ODF2: variants seen among roughly 807,000 people sequenced by gnomAD.
ODF2 encodes outer dense fiber protein 2.
ODF2 carries 47 observed loss-of-function variants against 110.2 expected under a neutral mutation model. The ratio of observed to expected loss-of-function variants is 0.43; its 90% CI spans 0.34 to 0.54. ODF2 has a LOEUF of 0.54. Ranked by LOEUF, ODF2 falls within the 20% of genes least tolerant of loss-of-function variation. ODF2 has a pLI of 0.03. For missense variants in ODF2, 812 were observed against 1,054.5 expected (o/e 0.77, Z 3.19); for synonymous variants, 352 against 397.7 (o/e 0.89, Z 1.37).
Position 128,485,694 on chromosome 9 carries a change from A to AT in ODF2, c.1400+220_1400+221insT, listed in dbSNP as rs533675621. Among the ~76,000 whole-genome samples, 86 of 152,274 alleles carry AT rather than the reference A, an allele frequency of 5.6e-4. No individual in the cohort carries two copies. The highest frequency in any genetic ancestry group is 1.8e-3 in the African/African-American group (74 of 41,546). On this transcript the variant is annotated intron_variant, in intron 13 of 20. Coordinates refer to ENST00000604420, the Ensembl canonical transcript of ODF2. This position sits in a 1 kb window ranked among gnomAD's most constrained non-coding sequence, Gnocchi z 5.0. ...AGTCCTGGGGTCCTACCCTACTGTCAGGCACTGGCTAGGGGCCGGGTCTTT... is the reference window on the plus strand; with the variant it reads ...AGTCCTGGGGTCCTACCCTACTGTCATGGCACTGGCTAGGGGCCGGGTCTTT...
At position 128,494,822 on chromosome 9, in the gene ODF2, G is replaced by A; in HGVS notation, c.1911+154G>A. The A allele has an allele frequency of 2.0e-6, 3 of 1,525,032 alleles. No individual in the cohort carries two copies. Among genetic ancestry groups the A allele is most frequent in the Non-Finnish European group, 2.6e-6 (3 of 1,136,002 alleles). 94.5% of individuals were successfully genotyped at this position (1,525,032 alleles called of 1,614,324 possible). ...CTATCATCAGTGCTGTGAAATAAAA[G>A]TCTGGTGTGCCAAATGCCATGTGTT... On this transcript the variant is annotated intron_variant, in intron 17 of 20. Coordinates refer to ENST00000604420, the Ensembl canonical transcript of ODF2. The surrounding 1 kb of genome is among the most constrained non-coding windows in gnomAD (Gnocchi z 4.6).
Position 128,494,913 on chromosome 9 carries a change from GCC to G in ODF2, c.1911+249_1911+250del. 7.6e-7 allele frequency: 1 copy of G among 1,313,662 alleles called. No individual in the cohort carries two copies. Among genetic ancestry groups the G allele is most frequent in the Non-Finnish European group, 1.0e-6 (1 of 986,728 alleles). 81.4% of individuals were successfully genotyped at this position (1,313,662 alleles called of 1,614,324 possible). A position where few individuals can be genotyped will look rare whatever the true frequency, so the allele number is the denominator to read the frequency against. On this transcript the variant is annotated intron_variant, in intron 17 of 20. Coordinates refer to ENST00000604420, the Ensembl canonical transcript of ODF2. This position sits in a 1 kb window ranked among gnomAD's most constrained non-coding sequence, Gnocchi z 4.6. Reference sequence around the variant, plus strand: ...GGAGTCACTGGGCCCTCCTGCTGTTGCCCCCACCCAAGACTGCTGCCTCTGCC... The same window carrying G: ...GGAGTCACTGGGCCCTCCTGCTGTTGCCCACCCAAGACTGCTGCCTCTGCC...
At position 128,466,140 on chromosome 9, in the gene ODF2, AAAAAAAAAC is replaced by A. The variant is rs1205031866; in HGVS notation, c.250-3033_250-3025del. On this transcript the variant is annotated intron_variant, in intron 4 of 20. Coordinates refer to ENST00000604420, the Ensembl canonical transcript of ODF2. ...GGCAACAAAGCGAGTCTCCATCTCAAAAAAAAAACAAAAAAAACGGAAAAGAAAAACGAA... is the reference window on the plus strand; with the variant it reads ...GGCAACAAAGCGAGTCTCCATCTCAAAAAAAAAACGGAAAAGAAAAACGAA... Among the ~76,000 whole-genome samples the A allele has an allele frequency of 2.0e-5, 3 of 151,134 alleles. No individual in the cohort carries two copies. In the South Asian group the frequency reaches 6.3e-4, roughly 31 times the overall value.
chr9:128,473,308 G>A, intron 7 of ODF2: 1 of 936,432 alleles, frequency 1.1e-6, no homozygotes, highest in Middle Eastern at 5.5e-4. Flanking sequence ...GTTGATTCCT[G>A]CAAGTATCAG....
At position 128,460,277 on chromosome 9, in the gene ODF2, G is replaced by A. The variant is rs181872677; in HGVS notation, c.123+620G>A. 90 of 1,367,076 alleles carry A rather than the reference G, an allele frequency of 6.6e-5. No individual in the cohort carries two copies. In the East Asian group the frequency reaches 2.4e-3, roughly 37 times the overall value. 84.7% of individuals were successfully genotyped at this position (1,367,076 alleles called of 1,614,324 possible). The stretch of plus-strand genomic sequence containing the variant: ...CAGCCCTAAGAACCCTGGGGCCGGC[G>A]TCTGGGATCTGTTCTGGAACGGGTG... On this transcript the variant is annotated intron_variant, in intron 3 of 20. Coordinates refer to ENST00000604420, the Ensembl canonical transcript of ODF2.
rs758154010 is a variant in ODF2, at chr9:128,485,505, C to T, written c.1400+31C>T. On this transcript the variant is annotated intron_variant, in intron 13 of 20. Transcript: ENST00000604420. The surrounding 1 kb of genome is among the most constrained non-coding windows in gnomAD (Gnocchi z 5.0). ...TCTTAGAGTAGGAGAGGGAATGTGG[C>T]GCTGTTGAGGGACTTGGGTGTGCAG... 2.6e-5 allele frequency: 33 copies of T among 1,276,096 alleles called. No individual in the cohort carries two copies. In the Middle Eastern group the frequency reaches 9.2e-4, roughly 36 times the overall value. 79.0% of individuals were successfully genotyped at this position (1,276,096 alleles called of 1,614,324 possible). A position where few individuals can be genotyped will look rare whatever the true frequency, so the allele number is the denominator to read the frequency against.
At chr9:128,467,236 C>T (rs1006882228) in intron 4 of ODF2, among the ~76,000 whole-genome samples, 1 of 150,230 alleles carries the variant, frequency 6.7e-6, no homozygotes, top group Non-Finnish European at 1.5e-5. Context: ...CAGCATGATG[C>T]CGTACAGAAT....
chr9:128,475,040 C>T (rs1212191322), intron 8 of ODF2, among the ~76,000 whole-genome samples: 1 of 151,810 alleles, frequency 6.6e-6, no homozygotes, highest in East Asian at 1.9e-4. Flanking sequence ...GTTCTGCATT[C>T]GTGGATTCAG....
intron 11 of ODF2, 72 bp from the exon 12 acceptor site, chr9:128,484,629 C>A: frequency 6.8e-7 from 1 of 1,480,670 alleles, no homozygotes; most frequent in Non-Finnish European, 9.2e-7. Flanking sequence ...TTCTCCTTCA[C>A]CCTCTGCTTT....
At chr9:128,457,941 A>ATTTT (rs1384895239) in intron 2 of ODF2, among the ~76,000 whole-genome samples, 1 of 78,648 alleles carries the variant, frequency 1.3e-5, no homozygotes, top group Non-Finnish European at 3.0e-5. Context: ...ATATATATAT[A>ATTTT]TATTTTTTTT....
intron 6 of ODF2, among the ~76,000 whole-genome samples, chr9:128,472,137 G>A (rs978362385): frequency 2.0e-5 from 3 of 152,052 alleles, no homozygotes; most frequent in East Asian, 1.9e-4. Context: ...AAATTAAGCC[G>A]GGCGTCGCGG....
Position 128,498,962 on chromosome 9 carries a change from C to G in ODF2, c.2176-39C>G, listed in dbSNP as rs534991868. ...CTCTTTGCCAAGTGTTCCCCATGTCCGGTAAACCAGTCTCATGTCTGGGCC... is the reference window on the plus strand; with the variant it reads ...CTCTTTGCCAAGTGTTCCCCATGTCGGGTAAACCAGTCTCATGTCTGGGCC... On this transcript the variant is annotated intron_variant, in intron 19 of 20. Transcript: ENST00000604420. 11 of 1,612,024 alleles carry G rather than the reference C, an allele frequency of 6.8e-6. No homozygotes were observed. In the African/African-American group the frequency reaches 8.0e-5, roughly 12 times the overall value.
intron 4 of ODF2, among the ~76,000 whole-genome samples, chr9:128,464,356 A>G (rs1385144744): frequency 2.0e-5 from 3 of 151,132 alleles, no homozygotes; most frequent in African/African-American, 7.3e-5. Flanking sequence ...GGGTTTCACC[A>G]TATTGGCCAG....
At chr9:128,491,264 C>T (rs561355640) in intron 14 of ODF2, among the ~76,000 whole-genome samples, 12 of 152,082 alleles carry the variant, frequency 7.9e-5, no homozygotes, top group Non-Finnish European at 1.5e-4. Flanking sequence ...AGGCTGGTCT[C>T]GAACTCCTGA....
At position 128,492,752 on chromosome 9, in the gene ODF2, T is replaced by C; in HGVS notation, c.1699T>C (p.Cys567Arg). 2 of 1,614,216 alleles carry C rather than the reference T, an allele frequency of 1.2e-6. 1 individual carries two copies. Among genetic ancestry groups the C allele is most frequent in the South Asian group, 2.2e-5 (2 of 91,088 alleles). The stretch of plus-strand genomic sequence containing the variant: ...TGAAGTAGCTGCCCAGCTAGAACGC[T>C]GTGACAAAGAGAACAAGATCCTTAA... Residue 567 changes from cysteine to arginine, a missense_variant, in exon 16 of 21, where the codon TGT (cysteine) becomes CGT (arginine). By Grantham distance (180) the Cys-to-Arg change is radical (BLOSUM62 -3). Around this residue, in one of 5 missense-constraint regions of ODF2, gnomAD observed 165 missense variants for 293.4 expected, o/e 0.56. Coordinates refer to ENST00000604420, the Ensembl canonical transcript of ODF2.
Position 128,485,008 on chromosome 9 carries a change from A to T in ODF2, c.1290+122A>T. On this transcript the variant is annotated intron_variant, in intron 12 of 20. Coordinates refer to ENST00000604420, the Ensembl canonical transcript of ODF2. The surrounding 1 kb of genome is among the most constrained non-coding windows in gnomAD (Gnocchi z 5.0). ...GTGGATGAGGGATGGTAGTGGTGGA[A>T]AGGATAGATGGCTGGGGAGGAGGGA... The T allele has an allele frequency of 9.5e-7, 1 of 1,057,226 alleles. No individual in the cohort carries two copies. The highest frequency in any genetic ancestry group is 1.4e-5 in the South Asian group (1 of 72,330). 65.5% of individuals were successfully genotyped at this position (1,057,226 alleles called of 1,614,324 possible).
At chr9:128,500,491 G>A (rs1846340993), downstream of ODF2, 3 of 503,564 alleles carry the variant, frequency 6.0e-6, no homozygotes, top group South Asian at 6.2e-5. Context: ...TTCCTCGACA[G>A]GCCTTAAATT....
chr9:128,481,606 A>G (rs1253326910), exon 9 of ODF2: 1 of 1,614,066 alleles, frequency 6.2e-7, no homozygotes, highest in African/African-American at 1.3e-5. Flanking sequence ...TGGAGCAACA[A>G]GGAGCACTGC....
intron 4 of ODF2, chr9:128,461,411 ATTTTC>A (rs780579744): frequency 1.1e-4 from 24 of 216,434 alleles, no homozygotes; most frequent in Admixed American, 1.5e-4. Flanking sequence ...CATCACATGT[ATTTTC>A]TTTTCTTTTC....
Sources: gnomAD v4.1 joint callset for allele counts (sites outside exome capture counted in the v4.1 genomes callset) on GRCh38, gnomAD v4.1.1 for gene constraint, gnomAD v4.1.1 regional missense constraint, Gnocchi (gnomAD v3.1) non-coding constraint, MANE v1.5 for transcripts, NCBI Gene and HGNC (gene_info 2026-07-23, HGNC 2026-07-21) for gene names.